MUC6: variants seen among roughly 807,000 people sequenced by gnomAD.
MUC6 encodes mucin 6, oligomeric mucus/gel-forming (gene/pseudogene).
In MUC6, 188 loss-of-function variants were observed where a neutral mutation model predicts 201.5. The ratio of observed to expected loss-of-function variants is 0.93; its 90% confidence interval spans 0.83 to 1.05. MUC6 has a LOEUF of 1.05. Among genes scored for constraint, MUC6 ranks in the 50% least tolerant of loss-of-function variants. MUC6 has a pLI of 0.00. For missense variants in MUC6, 2,706 were observed against 3,256.9 expected (o/e 0.83, Z 4.12); for synonymous variants, 1,228 against 1,389.4 (o/e 0.88, Z 2.58).
intron 22 of MUC6, 83 bp from the exon 23 acceptor site, chr11:1,025,450 C>G (rs1590048278): frequency 1.3e-6 from 2 of 1,485,010 alleles, no homozygotes; most frequent in Non-Finnish European, 1.8e-6. Context: ...CTCTCAGAGA[C>G]AGAGCTGCCC....
Position 1,030,604 on chromosome 11 carries a change from C to G in MUC6, c.861G>C (p.Pro287=). The G allele has an allele frequency of 2.0e-6, 3 of 1,529,658 alleles. No individual in the cohort carries two copies. The highest frequency in any genetic ancestry group is 2.6e-6 in the Non-Finnish European group (3 of 1,137,954). The allele number at this position is 1,529,658 out of a possible 1,614,324, so 94.8% of individuals were successfully genotyped here. ...YSRQCSMVGQ[P]VRRWRSPGLC... ...GGCCGGGGCTCCGCCAGCGGCGGACCGGCTGGCCCACCATGCTGCACTGGC... is the reference window on the plus strand; with the variant it reads ...GGCCGGGGCTCCGCCAGCGGCGGACGGGCTGGCCCACCATGCTGCACTGGC... Residue 287 remains proline (P), a synonymous_variant, in exon 7 of 33, where the codon CCG becomes CCC. Transcript: ENST00000421673.
At chr11:1,020,798 G>A in intron 27 of MUC6, 64 bp from the exon 28 acceptor site, 2 of 1,577,590 alleles carry the variant, frequency 1.3e-6, no homozygotes, top group Admixed American at 3.4e-5. Flanking sequence ...GGGGCCTCTG[G>A]GAGCTCCGAG....
chr11:1,028,285 C>G lies in MUC6; in HGVS notation c.1694G>C (p.Gly565Ala), dbSNP rs1189335591. 1 of 1,606,388 alleles carries G rather than the reference C, an allele frequency of 6.2e-7. No homozygotes were observed. Among genetic ancestry groups the G allele is most frequent in the Non-Finnish European group, 8.5e-7 (1 of 1,177,378 alleles). Residue 565 changes from glycine (G) to alanine (A), a missense_variant, in exon 14 of 33, where the codon GGG becomes GCG. Physicochemically the swap from Gly to Ala is moderately conservative, Grantham distance 60 (BLOSUM62 0). This residue lies in a region of MUC6 where 1,850 missense variants were observed against 1,958.3 expected (regional missense o/e 0.94). Coordinates refer to ENST00000421673, the MANE Select transcript of MUC6 (RefSeq NM_005961.3). ...ASLFVDSWRA[G>A]NCPAALERET... The stretch of plus-strand genomic sequence containing the variant: ...ACGCTCCAGAGCGGCCGGACAGTTC[C>G]CCGCCCGCCAGGAGTCCACAAACAG...
chr11:1,015,935 G>T lies in MUC6; in HGVS notation c.6866C>A (p.Thr2289Asn). Residue 2289 changes from threonine to asparagine, a missense_variant, in exon 31 of 33, where the codon ACC (threonine) becomes AAC (asparagine). Physicochemically the swap from Thr to Asn is moderately conservative, Grantham distance 65. Transcript: ENST00000421673. ...RVPTSGFVSL[T>N]SGVTGIPTSP... is the part of the protein sequence containing the mutation. ...GGTGGGGATACCCGTCACCCCCGAG[G>T]TGAGTGACACAAAGCCTGATGTGGG... 2.5e-6 allele frequency: 4 copies of T among 1,598,716 alleles called. No homozygotes were observed. The highest frequency in any genetic ancestry group is 2.6e-6 in the Non-Finnish European group (3 of 1,170,964).
intron 24 of MUC6, 44 bp from the exon 25 acceptor site, chr11:1,024,147 GC>G (rs1269317793): frequency 6.3e-7 from 1 of 1,584,434 alleles, no homozygotes; most frequent in African/African-American, 1.3e-5. Context: ...CCGGGGGATG[GC>G]GGGGCATCAG....
chr11:1,031,989 C>T lies in MUC6; in HGVS notation c.180G>A (p.Val60=). 1 of 1,613,672 alleles carries T rather than the reference C, an allele frequency of 6.2e-7. No homozygotes were observed. The highest frequency in any genetic ancestry group is 8.5e-7 in the Non-Finnish European group (1 of 1,179,882). The stretch of plus-strand genomic sequence containing the variant: ...AGTTGCACGTCCCCGAGAAGTCGTA[C>T]ACGTGGTGGTCGAAGGTGGAGAAGT... ...AGHFSTFDHH[V]YDFSGTCNYI... The change falls in exon 3 of 33, where the codon GTG becomes GTA. Residue 60 remains valine (V), a synonymous_variant. Transcript: ENST00000421673.
At chr11:1,029,171 G>A in intron 10 of MUC6, 21 bp from the exon 11 acceptor site, 1 of 1,607,878 alleles carries the variant, frequency 6.2e-7, no homozygotes, top group Non-Finnish European at 8.5e-7. Flanking sequence ...GCGGGGCTCA[G>A]ACACGGGTGG....
chr11:1,015,842 G>A lies in MUC6; in HGVS notation c.6959C>T (p.Thr2320Ile), dbSNP rs1393176400. Residue 2320 changes from threonine to isoleucine, a missense_variant, in exon 31 of 33, where the codon ACC (threonine) becomes ATC (isoleucine). By Grantham distance (89) the Thr-to-Ile change is moderately conservative. Around this residue, in one of 10 missense-constraint regions of MUC6, gnomAD observed 586 missense variants for 488.0 expected, o/e 1.20. Transcript: ENST00000421673. ...PTLSPTTRFL[T>I]SSLTAHGSTP... ...GCTTCCATGGGCAGTGAGGGAGCTGGTCAGGAACCGTGTGGTAGGCGACAA... is the reference window on the plus strand; with the variant it reads ...GCTTCCATGGGCAGTGAGGGAGCTGATCAGGAACCGTGTGGTAGGCGACAA... 2.5e-6 allele frequency: 4 copies of A among 1,599,702 alleles called. No homozygotes were observed. The highest frequency in any genetic ancestry group is 3.4e-6 in the Non-Finnish European group (4 of 1,172,022).
intron 29 of MUC6, 92 bp from the exon 30 acceptor site, chr11:1,019,588 CT>C: frequency 1.7e-6 from 2 of 1,202,536 alleles, no homozygotes; most frequent in Non-Finnish European, 2.4e-6. Flanking sequence ...TCTGGGATCC[CT>C]GGCCTGCTGT....
intron 16 of MUC6, 63 bp from the exon 17 acceptor site, chr11:1,027,580 C>T (rs1564842101): frequency 2.5e-6 from 4 of 1,599,530 alleles, no homozygotes; most frequent in Non-Finnish European, 3.4e-6. Context: ...ATCTCGGGTT[C>T]CCCTGCCTGC....
At position 1,013,418 on chromosome 11, in the gene MUC6, G is replaced by A; in HGVS notation, c.*38C>T. ...GTGGGTGTTTTCCTGTCTGTCATCT[G>A]CAGTCCTTCAGCCCCAGGAGAGCAG... On this transcript the variant is annotated 3_prime_UTR_variant, in exon 33 of 33. Transcript: ENST00000421673. The A allele has an allele frequency of 1.3e-6, 2 of 1,528,088 alleles. No homozygotes were observed. Among genetic ancestry groups the A allele is most frequent in the Non-Finnish European group, 8.8e-7 (1 of 1,134,580 alleles). The allele number at this position is 1,528,088 out of a possible 1,614,324, so 94.7% of individuals were successfully genotyped here. A position where few individuals can be genotyped will look rare whatever the true frequency, so the allele number is the denominator to read the frequency against.
At chr11:1,020,803 T>C in intron 27 of MUC6, 69 bp from the exon 28 acceptor site, 1 of 1,566,490 alleles carries the variant, frequency 6.4e-7, no homozygotes, top group Non-Finnish European at 8.7e-7. Context: ...CTCTGGGAGC[T>C]CCGAGGGCCT....
At position 1,018,705 on chromosome 11, in the gene MUC6, G is replaced by T. The variant is rs774720173; in HGVS notation, c.4096C>A (p.Pro1366Thr). ...ATQTTGPRPTPASTTGPTTPQ... is the reference protein window; with the variant it reads ...ATQTTGPRPTTASTTGPTTPQ... The stretch of plus-strand genomic sequence containing the variant: ...GTGGTTGGGCCTGTGGTGCTTGCTG[G>T]GGTTGGACGTGGGCCTGTCGTCTGG... Residue 1366 changes from proline to threonine, a missense_variant, in exon 31 of 33, where the codon CCA becomes ACA. By Grantham distance (38) the Pro-to-Thr change is conservative. Transcript: ENST00000421673. The T allele has an allele frequency of 6.2e-7, 1 of 1,605,674 alleles. No homozygotes were observed. The highest frequency in any genetic ancestry group is 2.2e-5 in the East Asian group (1 of 44,766).
rs116044918 is a variant in MUC6 at position 1,026,093 on chromosome 11, T to C, written c.2595A>G (p.Pro865=). ...CCTCCCCGTAGAGGGTGCAGGTGGA[T>C]GGGCAGTGGGTGCCCTGCTGACAGG... ...RWACQQGTHC[P]STCTLYGEGH... The change falls in exon 21 of 33, where the codon CCA becomes CCG. Residue 865 remains proline (P), a synonymous_variant. Coordinates refer to ENST00000421673, the MANE Select transcript of MUC6 (RefSeq NM_005961.3). 6,427 of 1,600,078 alleles carry C rather than the reference T, an allele frequency of 4.0e-3. 247 individuals are homozygous for C. In the African/African-American group the frequency reaches 0.075, roughly 19 times the overall value.
At position 1,018,681 on chromosome 11, in the gene MUC6, T is replaced by C. The variant is rs372200683; in HGVS notation, c.4120A>G (p.Thr1374Ala). 6.2e-7 allele frequency: 1 copy of C among 1,612,028 alleles called. No individual in the cohort carries two copies. Among genetic ancestry groups the C allele is most frequent in the Non-Finnish European group, 8.5e-7 (1 of 1,179,238 alleles). Residue 1374 changes from threonine (T) to alanine (A), a missense_variant, in exon 31 of 33, where the codon ACC (threonine) becomes GCC (alanine). By Grantham distance (58) the Thr-to-Ala change is moderately conservative (BLOSUM62 0). Transcript: ENST00000421673. ...PTPASTTGPT[T>A]PQPGQPTRPT... ...CTCGTGGGTTGTCCTGGCTGTGGGG[T>C]GGTTGGGCCTGTGGTGCTTGCTGGG...
intron 18 of MUC6, 41 bp downstream of exon 18, chr11:1,027,100 C>T: frequency 6.2e-7 from 1 of 1,610,986 alleles, no homozygotes; most frequent in African/African-American, 1.3e-5. Context: ...AAGCCGGGGC[C>T]CCTCACAGTC....
intron 24 of MUC6, among the ~76,000 whole-genome samples, chr11:1,024,342 C>T (rs533518083): frequency 6.6e-6 from 1 of 152,360 alleles, no homozygotes; most frequent in Admixed American, 6.5e-5. Context: ...GACCAAGATG[C>T]CGCTGCCGCT....
rs768130260 is a variant in MUC6 at position 1,020,085 on chromosome 11, C to T, written c.3808+5G>A. Reference sequence around the variant, plus strand: ...TCTCCATGGGCTCAGCTGGAGGCTCCTTACCTCCCGAGGAGGCTGTGGGCT... The same window carrying T: ...TCTCCATGGGCTCAGCTGGAGGCTCTTTACCTCCCGAGGAGGCTGTGGGCT... On this transcript the variant is annotated splice_donor_5th_base_variant and intron_variant, in intron 29 of 32. Coordinates refer to ENST00000421673, the MANE Select transcript of MUC6 (RefSeq NM_005961.3). 9.9e-6 allele frequency: 16 copies of T among 1,613,162 alleles called. No individual in the cohort carries two copies. The highest frequency in any genetic ancestry group is 1.3e-5 in the African/African-American group (1 of 74,898).
intron 1 of MUC6, among the ~76,000 whole-genome samples, chr11:1,036,080 C>T (rs2133841425): frequency 6.6e-6 from 1 of 152,208 alleles, no homozygotes; most frequent in Admixed American, 6.5e-5. Flanking sequence ...CGGTTCTGAG[C>T]CCAGGATGGC....
Sources: gnomAD v4.1 joint callset for allele counts (sites outside exome capture counted in the v4.1 genomes callset) on GRCh38, gnomAD v4.1.1 for gene constraint, gnomAD v4.1.1 regional missense constraint, MANE v1.5 for transcripts, NCBI Gene and HGNC (gene_info 2026-07-23, HGNC 2026-07-21) for gene names.